The following BRAF variants were observed in gnomAD, a reference collection of about 807,000 sequenced individuals.
BRAF encodes the protein B-Raf proto-oncogene, serine/threonine kinase.
BRAF carries 16 observed loss-of-function variants against 104.6 expected under a neutral mutation model. The ratio of observed to expected loss-of-function variants is 0.15; its 90% confidence interval spans 0.10 to 0.23. The LOEUF (loss-of-function observed/expected upper bound fraction) is 0.23. Ranked by LOEUF, BRAF falls within the 10% of genes least tolerant of loss-of-function variation. The pLI is 1.00. For missense variants in BRAF, 541 were observed against 937.3 expected (o/e 0.58, Z 5.52); for synonymous variants, 310 against 341.6 (o/e 0.91, Z 1.02).
In BRAF at chr7:140,795,014, A is replaced by G. The variant is rs751959715; in HGVS notation, c.981-547T>C. On this transcript the variant is annotated intron_variant, in intron 7 of 19. Coordinates refer to ENST00000644969, the MANE Select transcript of BRAF (RefSeq NM_001374258.1). ...TTTTCAAATTCAGAAGATGATCCTC[A>G]GAGTGCCAATATCTCTCATATTCTG... Among the ~76,000 whole-genome samples the G allele has an allele frequency of 1.2e-4, 18 of 152,368 alleles. No homozygotes were observed. The South Asian group carries it at 1.9e-3, about 16-fold the overall frequency.
At chr7:140,909,412 C>A (rs905482358) in intron 1 of BRAF, among the ~76,000 whole-genome samples, 2 of 151,998 alleles carry the variant, frequency 1.3e-5, no homozygotes, top group Admixed American at 1.3e-4. Context: ...GAGCAAAACT[C>A]CGTCACAAAA....
chr7:140,789,726 G>A (rs577122835), intron 8 of BRAF, among the ~76,000 whole-genome samples: 2 of 152,288 alleles, frequency 1.3e-5, no homozygotes, highest in East Asian at 3.9e-4. Flanking sequence ...TGCCAACTAA[G>A]TGATACAGGT....
At chr7:140,844,610 G>A (rs1169625608) in intron 2 of BRAF, among the ~76,000 whole-genome samples, 1 of 152,146 alleles carries the variant, frequency 6.6e-6, no homozygotes, top group African/African-American at 2.4e-5. Context: ...CCTACTTGTA[G>A]AAAGAGAAAC....
At chr7:140,879,941 A>G (rs1249630895) in intron 1 of BRAF, among the ~76,000 whole-genome samples, 1 of 152,102 alleles carries the variant, frequency 6.6e-6, no homozygotes, top group Non-Finnish European at 1.5e-5. Flanking sequence ...CATGTTGTCC[A>G]GGCTGGTCTT....
At chr7:140,846,677 G>A (rs567786747) in intron 2 of BRAF, among the ~76,000 whole-genome samples, 1 of 151,734 alleles carries the variant, frequency 6.6e-6, no homozygotes, top group Non-Finnish European at 1.5e-5. Context: ...GGTAAATTTT[G>A]TTAGGCATAT....
At chr7:140,797,335 G>A (rs988332824) in intron 7 of BRAF, among the ~76,000 whole-genome samples, 38 of 152,252 alleles carry the variant, frequency 2.5e-4, no homozygotes, top group African/African-American at 9.1e-4. Flanking sequence ...AGTAGAAAAG[G>A]AGGTATCTCT....
intron 10 of BRAF, chr7:140,783,601 C>T (rs1465207513): frequency 4.3e-6 from 1 of 231,088 alleles, no homozygotes; most frequent in African/African-American, 2.2e-5. Flanking sequence ...AAAAGGAAAT[C>T]CCCAGATGGA....
intron 2 of BRAF, among the ~76,000 whole-genome samples, chr7:140,839,913 TAG>T (rs1807755815): frequency 6.6e-6 from 1 of 152,192 alleles, no homozygotes; most frequent in African/African-American, 2.4e-5. Flanking sequence ...GTAAGACTGC[TAG>T]AGTTTTCAGC....
chr7:140,877,204 A>C (rs1812359650), intron 1 of BRAF, among the ~76,000 whole-genome samples: 1 of 150,336 alleles, frequency 6.7e-6, no homozygotes, highest in South Asian at 2.1e-4. Context: ...ACAGCATACT[A>C]AATCTGTGGG....
chr7:140,871,560 C>T (rs981367879), intron 1 of BRAF, among the ~76,000 whole-genome samples: 2 of 152,164 alleles, frequency 1.3e-5, no homozygotes, highest in Admixed American at 6.5e-5. Context: ...CCTACTCTAA[C>T]TTCCAATATT....
chr7:140,806,269 T>C (rs1195971429), intron 5 of BRAF, among the ~76,000 whole-genome samples: 1 of 152,210 alleles, frequency 6.6e-6, no homozygotes, highest in Non-Finnish European at 1.5e-5. Context: ...AAAGCCAGGT[T>C]AGGAATCTCT....
At chr7:140,859,593 T>G (rs774985852) in intron 1 of BRAF, among the ~76,000 whole-genome samples, 7 of 152,098 alleles carry the variant, frequency 4.6e-5, no homozygotes, top group Non-Finnish European at 8.8e-5. Context: ...ATTATAATGA[T>G]GTCAATTTTC....
chr7:140,715,557 T>G (rs1795113150), downstream of BRAF, among the ~76,000 whole-genome samples: 1 of 152,220 alleles, frequency 6.6e-6, no homozygotes, highest in South Asian at 2.1e-4. Flanking sequence ...AATCAGTTGC[T>G]TGATTTAAAA....
rs1335381311 is a variant in BRAF at position 140,827,394 on chromosome 7, T to C, written c.504+7215A>G. On this transcript the variant is annotated intron_variant, in intron 3 of 19. Coordinates refer to ENST00000644969, the MANE Select transcript of BRAF (RefSeq NM_001374258.1). The stretch of plus-strand genomic sequence containing the variant: ...CTCCAAGACCAGTCGTTATGTCCAC[T>C]TCATGGCTTGAGGGTTCCTGGACAA... 2.0e-5 allele frequency among the ~76,000 whole-genome samples: 3 copies of C among 152,314 alleles called. No individual in the cohort carries two copies. The East Asian group carries it at 5.8e-4, about 29-fold the overall frequency.
intron 3 of BRAF, among the ~76,000 whole-genome samples, chr7:140,814,072 A>C (rs933097039): frequency 2.0e-5 from 3 of 152,188 alleles, no homozygotes; most frequent in Admixed American, 1.3e-4. Flanking sequence ...GAAAACTAAA[A>C]AGAGGTATTT....
chr7:140,781,475 C>G, intron 12 of BRAF, 101 bp downstream of exon 11: 1 of 1,148,788 alleles, frequency 8.7e-7, no homozygotes, highest in African/African-American at 1.5e-5. Context: ...TTTATTGATG[C>G]GAACAGTGAA....
intron 3 of BRAF, among the ~76,000 whole-genome samples, chr7:140,813,102 T>C (rs997399243): frequency 4.1e-4 from 63 of 152,038 alleles, no homozygotes; most frequent in African/African-American, 1.5e-3. Flanking sequence ...ACATTAAAAG[T>C]GAAGTAAAAA....
At chr7:140,917,821 A>G (rs562118355) in intron 1 of BRAF, among the ~76,000 whole-genome samples, 16 of 152,306 alleles carry the variant, frequency 1.1e-4, no homozygotes, top group Non-Finnish European at 1.9e-4. Flanking sequence ...AAAAAAATCA[A>G]AAGAAGATTT....
chr7:140,814,199 A>G (rs1198949685), intron 3 of BRAF, among the ~76,000 whole-genome samples: 4 of 152,238 alleles, frequency 2.6e-5, no homozygotes, highest in Non-Finnish European at 4.4e-5. Flanking sequence ...TATCTTAAAA[A>G]GGAGCCAGAG....
Sources: allele counts gnomAD v4.1 joint callset (sites outside exome capture counted in the v4.1 genomes callset), GRCh38; gene constraint gnomAD v4.1.1; transcripts MANE v1.5; gene names NCBI Gene and HGNC (gene_info 2026-07-23, HGNC 2026-07-21).